The following RIMOC1 variants were observed in gnomAD, a reference collection of about 807,000 sequenced individuals.
RIMOC1 encodes RAB7A interacting MON1-CCZ1 complex subunit 1, also known as RAB7A-interacting MON1-CCZ1 complex subunit 1.
At chr5:41,918,129 T>C in the RIMOC1 span, 2 of 985,844 alleles carry the variant, frequency 2.0e-6, no homozygotes, top group African/African-American at 3.5e-5. Flanking sequence ...GGTCTTTCTG[T>C]CTACCTCAAC....
the RIMOC1 span, chr5:41,909,744 A>G: frequency 8.2e-7 from 1 of 1,225,134 alleles, no homozygotes. Context: ...TTTTTTTTTT[A>G]GGCTATTTTG....
the RIMOC1 span, among the ~76,000 whole-genome samples, chr5:41,908,662 G>A: frequency 1.3e-5 from 2 of 152,036 alleles, no homozygotes; most frequent in African/African-American, 4.8e-5. Context: ...AAGTTTGGCA[G>A]GTATTTTGCT....
chr5:41,917,161 A>G, the RIMOC1 span: 1 of 1,613,838 alleles, frequency 6.2e-7, no homozygotes, highest in Non-Finnish European at 8.5e-7. Flanking sequence ...CATACAAGGA[A>G]CCCTTGGATT....
the RIMOC1 span, among the ~76,000 whole-genome samples, chr5:41,910,709 T>C: frequency 1.3e-5 from 2 of 152,138 alleles, 1 homozygote; most frequent in Admixed American, 1.3e-4. Flanking sequence ...GAAATAGATA[T>C]GATCTCACTT....
the RIMOC1 span, chr5:41,916,337 T>TTTA: frequency 2.8e-3 from 2,232 of 808,668 alleles, 48 homozygotes; most frequent in African/African-American, 0.039. Context: ...ATTAATATAC[T>TTTA]TTATGCACCA....
chr5:41,911,611 A>G, the RIMOC1 span, among the ~76,000 whole-genome samples: 2 of 152,164 alleles, frequency 1.3e-5, no homozygotes, highest in Admixed American at 6.5e-5. Flanking sequence ...TTGGTATTGT[A>G]TCACTAAGGA....
chr5:41,910,238 T>C, the RIMOC1 span, among the ~76,000 whole-genome samples: 35 of 152,172 alleles, frequency 2.3e-4, no homozygotes, highest in South Asian at 5.8e-3. Flanking sequence ...GTCCTTATTC[T>C]CTCGAACATT....
chr5:41,912,566 A>T, the RIMOC1 span, among the ~76,000 whole-genome samples: 1 of 152,188 alleles, frequency 6.6e-6, no homozygotes, highest in Non-Finnish European at 1.5e-5. Flanking sequence ...GGAAACTTAC[A>T]ATCATGGTGG....
the RIMOC1 span, among the ~76,000 whole-genome samples, chr5:41,913,817 A>T: frequency 1.3e-3 from 200 of 152,326 alleles, 2 homozygotes; most frequent in South Asian, 3.7e-3. Context: ...TTTATTCTAA[A>T]ACAACTTATT....
the RIMOC1 span, chr5:41,904,494 G>A: frequency 1.2e-6 from 2 of 1,605,144 alleles, no homozygotes; most frequent in East Asian, 2.2e-5. Context: ...GAGGGAGGCG[G>A]GCGGGGCAGA....
the RIMOC1 span, chr5:41,911,918 G>C: frequency 1.6e-6 from 1 of 607,000 alleles, no homozygotes; most frequent in Non-Finnish European, 2.9e-6. Context: ...TGGGATGGTG[G>C]GTCTTTATAC....
the RIMOC1 span, chr5:41,904,376 C>CACTGG: frequency 3.1e-6 from 5 of 1,613,482 alleles, no homozygotes; most frequent in East Asian, 1.1e-4. Flanking sequence ...CCATGGCGGC[C>CACTGG]GCAGTCTCTA....
chr5:41,917,942 A>G, the RIMOC1 span: 30 of 927,500 alleles, frequency 3.2e-5, no homozygotes, highest in African/African-American at 3.9e-4. Context: ...TTAAAAGACA[A>G]TGCATGGCTT....
At chr5:41,904,655 C>T in the RIMOC1 span, among the ~76,000 whole-genome samples, 107 of 152,280 alleles carry the variant, frequency 7.0e-4, no homozygotes, top group African/African-American at 2.5e-3. Context: ...ACTCACAATG[C>T]CAAGGCGTTG....
At chr5:41,914,787 G>A in the RIMOC1 span, among the ~76,000 whole-genome samples, 1 of 151,846 alleles carries the variant, frequency 6.6e-6, no homozygotes. Context: ...AGAAAAAAAG[G>A]CTGCTTTGCC....
At chr5:41,918,404 C>G in the RIMOC1 span, 1 of 985,748 alleles carries the variant, frequency 1.0e-6, no homozygotes, top group Non-Finnish European at 1.2e-6. Context: ...TTGACTGCTC[C>G]CCTTCCTCCT....
At chr5:41,909,881 A>G in the RIMOC1 span, 1 of 1,576,692 alleles carries the variant, frequency 6.3e-7, no homozygotes, top group Non-Finnish European at 8.6e-7. Context: ...GGAAAATAAT[A>G]TGCATCCAAA....
chr5:41,919,682 A>G, the RIMOC1 span: 1 of 152,138 alleles, frequency 6.6e-6, no homozygotes, highest in South Asian at 2.1e-4. Flanking sequence ...CCTTGCACAC[A>G]TCATTACTTC....
the RIMOC1 span, chr5:41,919,391 C>G: frequency 6.6e-6 from 1 of 152,150 alleles, no homozygotes; most frequent in African/African-American, 2.4e-5. Flanking sequence ...TTTTGGTAAA[C>G]ATACAAATTC....
Sources: gnomAD v4.1 joint callset for allele counts (sites outside exome capture counted in the v4.1 genomes callset) on GRCh38, gnomAD v4.1.1 for gene constraint, MANE v1.5 for transcripts, NCBI Gene and HGNC (gene_info 2026-07-23, HGNC 2026-07-21) for gene names.